ITPK1: variants seen among roughly 807,000 people sequenced by gnomAD.
ITPK1 encodes inositol-tetrakisphosphate 1-kinase, also known as inositol 1,3,4-trisphosphate 5/6-kinase.
Under a neutral mutation model 45.3 loss-of-function variants are expected in ITPK1, and 21 were observed. The ratio of observed to expected loss-of-function variants is 0.46; its 90% CI spans 0.33 to 0.67. The LOEUF (loss-of-function observed/expected upper bound fraction) is 0.67, where lower values mean the gene tolerates loss of function less well. ITPK1 is among the 30% of genes least tolerant of loss of function. The pLI, the probability that ITPK1 is intolerant of heterozygous loss-of-function variation, is 0.02. For synonymous variants in ITPK1, 258 were observed against 253.6 expected, an observed-to-expected ratio of 1.02 and a Z score of -0.16; for missense variants, 474 against 573.5, an observed-to-expected ratio of 0.83 and a Z score of 1.77.
intron 2 of ITPK1, among the ~76,000 whole-genome samples, chr14:93,081,616 C>A (rs1444403133): frequency 6.6e-6 from 1 of 152,086 alleles, no homozygotes; most frequent in Admixed American, 6.5e-5. Context: ...AGGAGGCTGG[C>A]AATAAAGGAA....
chr14:93,103,210 C>T (rs1009937664), intron 2 of ITPK1, among the ~76,000 whole-genome samples: 2 of 151,650 alleles, frequency 1.3e-5, no homozygotes, highest in Non-Finnish European at 2.9e-5. Context: ...GGGCAGATCA[C>T]GAGTTCAAGA....
chr14:93,083,122 A>G (rs1179816508), intron 2 of ITPK1, among the ~76,000 whole-genome samples: 1 of 152,172 alleles, frequency 6.6e-6, no homozygotes, highest in East Asian at 1.9e-4. Flanking sequence ...AGAAGTAGAA[A>G]AGAGTGATGA....
At chr14:93,079,613 G>T (rs1163116444) in intron 2 of ITPK1, among the ~76,000 whole-genome samples, 2 of 152,200 alleles carry the variant, frequency 1.3e-5, no homozygotes, top group Non-Finnish European at 2.9e-5. Flanking sequence ...ATCCCCTCTG[G>T]TGGTGGAATC....
intron 2 of ITPK1, among the ~76,000 whole-genome samples, chr14:93,088,185 A>G (rs1891722052): frequency 6.6e-6 from 1 of 152,164 alleles, no homozygotes; most frequent in African/African-American, 2.4e-5. Flanking sequence ...TTCCCCACCC[A>G]GGCCTGCTCT....
intron 10 of ITPK1, among the ~76,000 whole-genome samples, chr14:92,942,834 C>T (rs572552038): frequency 3.9e-5 from 6 of 152,368 alleles, no homozygotes; most frequent in African/African-American, 1.4e-4. Context: ...AGGGCAAGCG[C>T]CCTGCCTGCC....
intron 3 of ITPK1, among the ~76,000 whole-genome samples, chr14:93,035,511 T>C (rs1444815620): frequency 1.3e-5 from 2 of 150,488 alleles, no homozygotes; most frequent in Non-Finnish European, 3.0e-5. Flanking sequence ...TGATGTGCTA[T>C]GGAAATTCTG....
At chr14:92,952,766 C>A (rs916550504) in intron 8 of ITPK1, among the ~76,000 whole-genome samples, 4 of 152,264 alleles carry the variant, frequency 2.6e-5, no homozygotes, top group Non-Finnish European at 5.9e-5. Flanking sequence ...GTAGATCCCA[C>A]AGGAGAAATG....
chr14:93,001,995 G>T (rs1887379601), intron 4 of ITPK1, among the ~76,000 whole-genome samples: 1 of 152,178 alleles, frequency 6.6e-6, no homozygotes, highest in Admixed American at 6.5e-5. Context: ...TTGCAGGAAT[G>T]GACATGTTTC....
intron 5 of ITPK1, among the ~76,000 whole-genome samples, chr14:92,988,001 C>CA (rs113151270): frequency 6.6e-6 from 1 of 152,350 alleles, no homozygotes; most frequent in African/African-American, 2.4e-5. Flanking sequence ...AGGGGAGCCA[C>CA]AAGCACAATC....
intron 3 of ITPK1, chr14:93,070,212 CTAAGGACG>C (rs2139970938): frequency 6.6e-6 from 1 of 152,540 alleles, no homozygotes; most frequent in East Asian, 1.9e-4. Flanking sequence ...ACATGCTTCC[CTAAGGACG>C]TCCAGGCTGG....
At chr14:92,945,200 C>T (rs1566685875) in intron 10 of ITPK1, among the ~76,000 whole-genome samples, 1 of 152,254 alleles carries the variant, frequency 6.6e-6, no homozygotes, top group Non-Finnish European at 1.5e-5. Context: ...CACAGCAGCC[C>T]TGGGCGACAG....
At chr14:93,069,310 C>G (rs1890890725) in intron 3 of ITPK1, 1 of 154,196 alleles carries the variant, frequency 6.5e-6, no homozygotes, top group South Asian at 2.1e-4. Flanking sequence ...ACACAGCACC[C>G]CATGAACAAC....
chr14:92,989,688 G>A (rs1263743269), intron 5 of ITPK1, among the ~76,000 whole-genome samples: 1 of 152,280 alleles, frequency 6.6e-6, no homozygotes, highest in East Asian at 1.9e-4. Context: ...CTCCCTCCCC[G>A]AGGCCTGCAC....
intron 2 of ITPK1, among the ~76,000 whole-genome samples, chr14:93,077,600 G>A (rs1595194712): frequency 6.6e-6 from 1 of 152,140 alleles, no homozygotes; most frequent in Non-Finnish European, 1.5e-5. Flanking sequence ...TTACAGGCGC[G>A]AGCCACCACG....
chr14:92,998,782 A>G (rs2139818951), intron 4 of ITPK1: 1 of 152,342 alleles, frequency 6.6e-6, no homozygotes, highest in Middle Eastern at 3.4e-3. Flanking sequence ...TCAAGAAGAA[A>G]TAAGAGCCAG....
chr14:93,072,321 A>G (rs932233692), intron 3 of ITPK1, among the ~76,000 whole-genome samples: 1 of 151,708 alleles, frequency 6.6e-6, no homozygotes, highest in African/African-American at 2.4e-5. Flanking sequence ...AAAAAATTAA[A>G]TAAGTAAAAT....
At chr14:93,093,648 G>A (rs1219769860) in intron 2 of ITPK1, among the ~76,000 whole-genome samples, 2 of 152,212 alleles carry the variant, frequency 1.3e-5, no homozygotes, top group Non-Finnish European at 2.9e-5. Context: ...GCGATGCTGA[G>A]GAACCAGGAG....
chr14:92,967,243 G>C (rs116418687), intron 5 of ITPK1, among the ~76,000 whole-genome samples: 2,425 of 152,232 alleles, frequency 0.016, 72 homozygotes, highest in African/African-American at 0.056. Flanking sequence ...CAATTAAAAA[G>C]ATATCTCTAT....
rs150602272 is a variant in ITPK1, at chr14:92,954,201, G to C, written c.671-2188C>G. Among the ~76,000 whole-genome samples the C allele has an allele frequency of 3.5e-3, 537 of 152,306 alleles. 3 individuals carry two copies. The highest frequency in any genetic ancestry group is 0.012 in the African/African-American group (501 of 41,558). ...TGAGCCACCGCACCTGGCCCTTCTG[G>C]CTAATTCTGACCTGGGAGCTCTGGC... On this transcript the variant is annotated intron_variant, in intron 8 of 10. Coordinates refer to ENST00000267615, the MANE Select transcript of ITPK1 (RefSeq NM_014216.6).
Sources: gnomAD v4.1 joint callset for allele counts (sites outside exome capture counted in the v4.1 genomes callset) on GRCh38, gnomAD v4.1.1 for gene constraint, MANE v1.5 for transcripts, NCBI Gene and HGNC (gene_info 2026-07-23, HGNC 2026-07-21) for gene names.